The following RANBP2 variants were observed in gnomAD, a reference collection of about 807,000 sequenced individuals.
The protein encoded by RANBP2 is E3 SUMO-protein ligase RanBP2.
In RANBP2, 57 loss-of-function variants were observed where a neutral mutation model predicts 303.6. That is an observed-to-expected ratio of 0.19 (90% CI 0.15 to 0.23). The LOEUF is 0.23. Ranked by LOEUF, RANBP2 falls within the 10% of genes least tolerant of loss-of-function variation. RANBP2 has a pLI of 1.00. For synonymous variants in RANBP2, 1,167 were observed against 1,301.5 expected (o/e 0.90, Z 2.23); for missense variants, 3,138 against 3,780.8 (o/e 0.83, Z 4.46).
chr2:109,624,718 C>CT, the RANBP2 span, among the ~76,000 whole-genome samples: 6 of 152,184 alleles, frequency 3.9e-5, no homozygotes, highest in Admixed American at 3.9e-4. Flanking sequence ...TTCAACTCAA[C>CT]TATTTCACTT....
rs773867401 is a variant in RANBP2, at chr2:108,783,661, T to C, written c.9435T>C (p.Asp3145=). 3.3e-5 allele frequency: 53 copies of C among 1,611,564 alleles called. No individual in the cohort carries two copies. Among genetic ancestry groups the C allele is most frequent in the Admixed American group, 1.7e-4 (10 of 60,002 alleles). ...CCATTTATGGAGACAAATTTGAAGA[T>C]GAAAATTTTGATGTGAAACATACTG... The part of the protein sequence containing the change: ...GQSIYGDKFE[D]ENFDVKHTGP... The change falls in exon 29 of 29, where the codon GAT becomes GAC. Residue 3145 remains aspartate (D), a synonymous_variant. Coordinates refer to ENST00000283195, the MANE Select transcript of RANBP2 (RefSeq NM_006267.5).
the RANBP2 span, among the ~76,000 whole-genome samples, chr2:109,078,077 AATATATATATATATATATATATATAT>A: frequency 2.1e-5 from 1 of 47,484 alleles, no homozygotes; most frequent in South Asian, 5.2e-4. Context: ...TTGACAGATG[AATATATATATATATATATATATATAT>A]ATATATATAT....
the RANBP2 span, among the ~76,000 whole-genome samples, chr2:109,591,440 A>T: frequency 1.3e-5 from 2 of 152,202 alleles, no homozygotes; most frequent in Admixed American, 6.5e-5. Flanking sequence ...GTCACTAAAG[A>T]TTACTAGTGA....
the RANBP2 span, among the ~76,000 whole-genome samples, chr2:109,236,884 T>TA: frequency 6.6e-6 from 1 of 152,138 alleles, no homozygotes; most frequent in Non-Finnish European, 1.5e-5. Context: ...GACCTGTACT[T>TA]ACAGCTCAGG....
chr2:109,068,416 G>A, the RANBP2 span, among the ~76,000 whole-genome samples: 8 of 152,194 alleles, frequency 5.3e-5, no homozygotes, highest in East Asian at 1.9e-4. Context: ...ACTGTAAGCC[G>A]TCTGAGGGCA....
At chr2:108,880,364 A>T in the RANBP2 span, among the ~76,000 whole-genome samples, 1 of 152,224 alleles carries the variant, frequency 6.6e-6, no homozygotes, top group African/African-American at 2.4e-5. Flanking sequence ...TATAGATACA[A>T]TGGAAATCCT....
chr2:109,389,420 G>A, the RANBP2 span, among the ~76,000 whole-genome samples: 131 of 152,332 alleles, frequency 8.6e-4, no homozygotes, highest in African/African-American at 2.9e-3. Context: ...CATCTTGACC[G>A]AGGGCATACC....
the RANBP2 span, among the ~76,000 whole-genome samples, chr2:109,630,543 G>A: frequency 6.6e-6 from 1 of 152,196 alleles, no homozygotes; most frequent in Non-Finnish European, 1.5e-5. Flanking sequence ...CCTGACTCCT[G>A]TCTTCCACCT....
At chr2:109,493,149 CA>C in the RANBP2 span, among the ~76,000 whole-genome samples, 37,953 of 150,906 alleles carry the variant, frequency 0.25, 5,086 homozygotes, top group East Asian at 0.5. Context: ...ATACATCATA[CA>C]AAACACATAC....
chr2:109,203,695 C>T, the RANBP2 span, among the ~76,000 whole-genome samples: 4 of 152,134 alleles, frequency 2.6e-5, no homozygotes, highest in East Asian at 3.9e-4. Flanking sequence ...GCACTTCCAC[C>T]CCCTGGGCCT....
the RANBP2 span, chr2:109,546,020 GC>G: frequency 6.5e-7 from 1 of 1,540,474 alleles, no homozygotes; most frequent in South Asian, 1.3e-5. Flanking sequence ...TGTGGGCAGG[GC>G]TGCCAGGGAG....
intron 7 of RANBP2, among the ~76,000 whole-genome samples, chr2:108,745,016 A>G (rs1423956424): frequency 2.6e-5 from 4 of 151,704 alleles, no homozygotes; most frequent in African/African-American, 7.3e-5. Flanking sequence ...GGGCATTCTC[A>G]TTAGTTTGGA....
the RANBP2 span, among the ~76,000 whole-genome samples, chr2:109,243,799 C>T: frequency 1.3e-5 from 2 of 152,160 alleles, no homozygotes; most frequent in Admixed American, 6.5e-5. Flanking sequence ...GACATGTTCT[C>T]TGTGCGTTGG....
the RANBP2 span, among the ~76,000 whole-genome samples, chr2:109,260,004 A>T: frequency 1.3e-5 from 2 of 152,210 alleles, no homozygotes; most frequent in Middle Eastern, 6.8e-3. Context: ...CTCCGGCCAG[A>T]GATATCTTTT....
chr2:108,919,691 C>G, the RANBP2 span, among the ~76,000 whole-genome samples: 1 of 152,156 alleles, frequency 6.6e-6, no homozygotes, highest in Non-Finnish European at 1.5e-5. Context: ...TTTCTGCTGC[C>G]CAGTGTCCCA....
the RANBP2 span, among the ~76,000 whole-genome samples, chr2:109,185,628 C>A: frequency 1.3e-5 from 2 of 152,094 alleles, no homozygotes; most frequent in South Asian, 2.1e-4. Context: ...GAGCCAAGTC[C>A]CTGGACAGGA....
chr2:109,332,552 C>T, the RANBP2 span, among the ~76,000 whole-genome samples: 18,998 of 152,196 alleles, frequency 0.12, 1,348 homozygotes, highest in East Asian at 0.25. Flanking sequence ...CCGAGCTCCC[C>T]GCAGTTCAGC....
chr2:109,156,404 T>C, the RANBP2 span, among the ~76,000 whole-genome samples: 6 of 152,216 alleles, frequency 3.9e-5, no homozygotes, highest in Admixed American at 6.5e-5. Flanking sequence ...TTCTGAACTT[T>C]TGAGTGATTC....
the RANBP2 span, among the ~76,000 whole-genome samples, chr2:109,719,263 ATTTT>A: frequency 3.4e-5 from 5 of 148,062 alleles, no homozygotes; most frequent in South Asian, 1.1e-3. Flanking sequence ...CACCCGGCTA[ATTTT>A]TTTTGTATTT....
Sources: gnomAD v4.1 joint callset for allele counts (sites outside exome capture counted in the v4.1 genomes callset) on GRCh38, gnomAD v4.1.1 for gene constraint, MANE v1.5 for transcripts, NCBI Gene and HGNC (gene_info 2026-07-23, HGNC 2026-07-21) for gene names.